TMEFF1: variants seen among roughly 807,000 people sequenced by gnomAD.
TMEFF1 encodes transmembrane protein with EGF like and two follistatin like domains 1.
In TMEFF1, 20 loss-of-function variants were observed where a neutral mutation model predicts 47.5. The ratio of observed to expected loss-of-function variants is 0.42; its 90% CI spans 0.30 to 0.61. The LOEUF (loss-of-function observed/expected upper bound fraction) is 0.61, where lower values mean the gene tolerates loss of function less well. Ranked by LOEUF, TMEFF1 falls within the 20% of genes least tolerant of loss-of-function variation. TMEFF1 has a pLI of 0.19. For synonymous variants in TMEFF1, 162 were observed against 166.3 expected, an observed-to-expected ratio of 0.97 and a Z score of 0.20; for missense variants, 411 against 471.1, an observed-to-expected ratio of 0.87 and a Z score of 1.18.
intron 8 of TMEFF1, among the ~76,000 whole-genome samples, chr9:100,569,263 T>C (rs1839181972): frequency 6.6e-6 from 1 of 152,204 alleles, no homozygotes; most frequent in Non-Finnish European, 1.5e-5. Flanking sequence ...AAAACTGGCA[T>C]ATACGGTGGC....
In TMEFF1 at chr9:100,572,545, C is replaced by G. The variant is rs771760741; in HGVS notation, c.927C>G (p.His309Gln). The G allele has an allele frequency of 5.6e-6, 9 of 1,612,366 alleles. No homozygotes were observed. Among genetic ancestry groups the G allele is most frequent in the Non-Finnish European group, 7.6e-6 (9 of 1,179,374 alleles). The part of the protein sequence containing the change: ...CRCESGYTGQ[H>Q]CEKTDFSILY... ...GTGAATCTGGCTACACTGGACAGCA[C>G]TGTGAAAAGACAGACTTTAGTATTC... is the stretch of plus-strand genomic sequence containing the variant. The change falls in exon 9 of 10, where the codon CAC (histidine) becomes CAG (glutamine). Residue 309 changes from histidine to glutamine, a missense_variant. His to Gln is a conservative substitution (Grantham distance 24). Coordinates refer to ENST00000374879, the MANE Select transcript of TMEFF1 (RefSeq NM_003692.5).
chr9:100,545,370 G>A (rs1320802566), intron 5 of TMEFF1, among the ~76,000 whole-genome samples: 2 of 152,200 alleles, frequency 1.3e-5, no homozygotes, highest in African/African-American at 4.8e-5. Flanking sequence ...AAGCTGCCAA[G>A]GCTTGGGGCT....
intron 9 of TMEFF1, among the ~76,000 whole-genome samples, chr9:100,573,439 G>A (rs1000745234): frequency 6.6e-6 from 1 of 152,110 alleles, no homozygotes; most frequent in Non-Finnish European, 1.5e-5. Context: ...TTTCTAAACT[G>A]AGTAGAAATA....
chr9:100,550,011 G>A (rs1424497323), intron 6 of TMEFF1, 84 bp from the exon 7 acceptor site: 4 of 1,457,770 alleles, frequency 2.7e-6, no homozygotes, highest in Non-Finnish European at 3.7e-6. Flanking sequence ...AGAAGAACTT[G>A]GAATAATTTG....
intron 5 of TMEFF1, among the ~76,000 whole-genome samples, chr9:100,535,880 C>G (rs1564021374): frequency 6.6e-6 from 1 of 152,206 alleles, no homozygotes; most frequent in Non-Finnish European, 1.5e-5. Flanking sequence ...CCCCTCTATT[C>G]TGCTACTCTT....
chr9:100,505,924 G>T (rs1041565), intron 2 of TMEFF1, among the ~76,000 whole-genome samples: 27,909 of 152,164 alleles, frequency 0.18, 2,771 homozygotes, highest in South Asian at 0.32. Context: ...AAGTAACATT[G>T]ACTTATGTAG....
Position 100,554,884 on chromosome 9 carries a change from C to T in TMEFF1, c.775+4724C>T, listed in dbSNP as rs115670082. ...TGCAGTGTTGATATAGTTGTGGCCTCAGTGGTTTACCTTCCAGATACATGT... is the reference window on the plus strand; with the variant it reads ...TGCAGTGTTGATATAGTTGTGGCCTTAGTGGTTTACCTTCCAGATACATGT... On this transcript the variant is annotated intron_variant, in intron 7 of 9. Coordinates refer to ENST00000374879, the MANE Select transcript of TMEFF1 (RefSeq NM_003692.5). 4.1e-3 allele frequency among the ~76,000 whole-genome samples: 627 copies of T among 152,124 alleles called. 6 individuals are homozygous for T. Among genetic ancestry groups the T allele is most frequent in the African/African-American group, 0.014 (593 of 41,508 alleles).
At chr9:100,572,391 G>C in intron 8 of TMEFF1, 127 bp from the exon 9 acceptor site, 1 of 1,064,066 alleles carries the variant, frequency 9.4e-7, no homozygotes, top group Non-Finnish European at 1.2e-6. Flanking sequence ...TCCCCCAGAT[G>C]GTAGGAAAGT....
intron 4 of TMEFF1, 74 bp from the exon 5 acceptor site, chr9:100,516,601 C>A: frequency 1.3e-6 from 2 of 1,546,538 alleles, no homozygotes; most frequent in South Asian, 1.2e-5. Flanking sequence ...AGGATAATGA[C>A]TGCTGAAAAC....
chr9:100,476,997 A>G (rs576704501), intron 1 of TMEFF1, among the ~76,000 whole-genome samples: 47 of 152,250 alleles, frequency 3.1e-4, no homozygotes, highest in African/African-American at 1.1e-3. Context: ...CGCCCGGCCT[A>G]TTTCAGTTTT....
intron 4 of TMEFF1, among the ~76,000 whole-genome samples, chr9:100,514,533 G>A (rs1838027131): frequency 6.6e-6 from 1 of 151,952 alleles, no homozygotes; most frequent in Non-Finnish European, 1.5e-5. Context: ...AGAAGTGAGA[G>A]TTGATCTCAA....
At chr9:100,541,843 C>G (rs1442039303) in intron 5 of TMEFF1, among the ~76,000 whole-genome samples, 1 of 152,026 alleles carries the variant, frequency 6.6e-6, no homozygotes, top group Non-Finnish European at 1.5e-5. Flanking sequence ...TCTTTTATAT[C>G]TGATATTAAA....
intron 2 of TMEFF1, among the ~76,000 whole-genome samples, chr9:100,506,879 T>C (rs1837873915): frequency 6.6e-6 from 1 of 152,206 alleles, no homozygotes; most frequent in Non-Finnish European, 1.5e-5. Context: ...GGTAATTCTT[T>C]TTTACAATTA....
At chr9:100,475,581 G>A (rs1837208178) in intron 1 of TMEFF1, among the ~76,000 whole-genome samples, 1 of 152,088 alleles carries the variant, frequency 6.6e-6, no homozygotes, top group South Asian at 2.1e-4. Context: ...TTCGTTCTTA[G>A]CAAAATATAG....
rs1475951760 is a variant in TMEFF1, at chr9:100,473,704, T to C, written c.160T>C (p.Cys54Arg). ...TGGTGGCGGCGGCAGCGGCGGGGAC[T>C]GTCCCGGCGGCAAAGGCAAGAGCAT... ...PGGGGGSGGD[C>R]PGGKGKSINC... Residue 54 changes from cysteine to arginine, a missense_variant, in exon 1 of 10, where the codon TGT becomes CGT. Transcript: ENST00000374879. The surrounding 1 kb of genome is among the most constrained non-coding windows in gnomAD (Gnocchi z 5.4). 10 of 1,531,790 alleles carry C rather than the reference T, an allele frequency of 6.5e-6. No individual in the cohort carries two copies. The highest frequency in any genetic ancestry group is 6.1e-6 in the Non-Finnish European group (7 of 1,138,452). 94.9% of individuals were successfully genotyped at this position (1,531,790 alleles called of 1,614,324 possible). A position where few individuals can be genotyped will look rare whatever the true frequency, so the allele number is the denominator to read the frequency against.
intron 4 of TMEFF1, 28 bp downstream of exon 4, chr9:100,513,361 A>G (rs747776249): frequency 1.3e-6 from 2 of 1,495,878 alleles, no homozygotes; most frequent in South Asian, 2.9e-5. Flanking sequence ...CTTAAAGGAT[A>G]TTTGCTTTTC....
chr9:100,527,569 G>A (rs1438669683), intron 5 of TMEFF1, among the ~76,000 whole-genome samples: 2 of 152,170 alleles, frequency 1.3e-5, no homozygotes, highest in African/African-American at 2.4e-5. Context: ...ATTATATCCC[G>A]CACCTGGCTC....
intron 7 of TMEFF1, among the ~76,000 whole-genome samples, chr9:100,550,549 C>T (rs544277038): frequency 1.3e-5 from 2 of 152,154 alleles, no homozygotes; most frequent in Admixed American, 1.3e-4. Context: ...ATTTCCTTTC[C>T]TGATTAATTC....
chr9:100,499,608 G>A (rs1016244799), intron 2 of TMEFF1, among the ~76,000 whole-genome samples: 1 of 152,098 alleles, frequency 6.6e-6, no homozygotes, highest in Non-Finnish European at 1.5e-5. Flanking sequence ...GGGGAAGAAA[G>A]GGCACAGAAA....
Sources: gnomAD v4.1 joint callset for allele counts (sites outside exome capture counted in the v4.1 genomes callset) on GRCh38, gnomAD v4.1.1 for gene constraint, Gnocchi (gnomAD v3.1) non-coding constraint, MANE v1.5 for transcripts, NCBI Gene and HGNC (gene_info 2026-07-23, HGNC 2026-07-21) for gene names.